The following SLC9A9 variants were observed in gnomAD, a reference collection of about 807,000 sequenced individuals.
SLC9A9 encodes solute carrier family 9 member A9.
SLC9A9 carries 62 observed loss-of-function variants against 77.8 expected under a neutral mutation model. The ratio of observed to expected loss-of-function variants is 0.80; its 90% CI spans 0.65 to 0.98. The LOEUF is 0.98. Among genes scored for constraint, SLC9A9 ranks in the 50% least tolerant of loss-of-function variants. SLC9A9 has a pLI of 0.00. For missense variants in SLC9A9, 775 were observed against 774.9 expected, an observed-to-expected ratio of 1.00 and a Z score of 0.00; for synonymous variants, 320 against 283.5, an observed-to-expected ratio of 1.13 and a Z score of -1.29.
rs528945286 is a variant in SLC9A9, at chr3:143,832,215, A to G, written c.182T>C (p.Ile61Thr). 6.2e-7 allele frequency: 1 copy of G among 1,610,636 alleles called. No homozygotes were observed. Among genetic ancestry groups the G allele is most frequent in the African/African-American group, 1.3e-5 (1 of 74,934 alleles). The change falls in exon 2 of 16, where the codon ATA becomes ACA. Residue 61 changes from isoleucine (I) to threonine (T), a missense_variant. Ile to Thr is a moderately conservative substitution (Grantham distance 89). Transcript: ENST00000316549. ...AGCATATCGTAAAATTAGTCCCATT[A>G]TAAGGCCTAAAAAAAAAAGAATAAA... ...ETGGAMVYGL[I>T]MGLILRYATA...
At chr3:143,449,985 T>TATATATACATATATATACATATATGC (rs1559921956) in intron 12 of SLC9A9, among the ~76,000 whole-genome samples, 1 of 59,406 alleles carries the variant, frequency 1.7e-5, no homozygotes, top group Non-Finnish European at 2.6e-5. Context: ...ATATTATATG[T>TATATATACATATATATACATATATGC]ATATATACAT....
intron 4 of SLC9A9, among the ~76,000 whole-genome samples, chr3:143,710,178 A>G (rs1040320094): frequency 2.6e-5 from 4 of 152,242 alleles, no homozygotes; most frequent in African/African-American, 9.6e-5. Flanking sequence ...ACACAAACAT[A>G]TACATTTATA....
intron 14 of SLC9A9, among the ~76,000 whole-genome samples, chr3:143,298,949 T>G (rs1250823464): frequency 2.6e-5 from 4 of 152,218 alleles, no homozygotes; most frequent in Non-Finnish European, 2.9e-5. Flanking sequence ...TCATTTCATC[T>G]TCCTGGGTCT....
intron 8 of SLC9A9, among the ~76,000 whole-genome samples, chr3:143,557,150 A>G (rs1245617579): frequency 6.6e-6 from 1 of 152,090 alleles, no homozygotes; most frequent in East Asian, 1.9e-4. Flanking sequence ...GTGAGTTCTC[A>G]CTAGATCGGA....
chr3:143,276,450 C>A (rs544744001), intron 14 of SLC9A9, among the ~76,000 whole-genome samples: 3 of 152,098 alleles, frequency 2.0e-5, no homozygotes, highest in Non-Finnish European at 2.9e-5. Flanking sequence ...ATTGTTCTGC[C>A]TGTTTCTATG....
chr3:143,710,996 C>T (rs1481709172), intron 4 of SLC9A9, among the ~76,000 whole-genome samples: 1 of 152,124 alleles, frequency 6.6e-6, no homozygotes, highest in Non-Finnish European at 1.5e-5. Flanking sequence ...ACATATTTAA[C>T]TCAAATTAGG....
At chr3:143,844,004 T>C (rs1206149068) in intron 1 of SLC9A9, among the ~76,000 whole-genome samples, 1 of 152,156 alleles carries the variant, frequency 6.6e-6, no homozygotes, top group Admixed American at 6.5e-5. Flanking sequence ...GAAGCAAAAA[T>C]ATGGTTATAA....
chr3:143,316,648 T>C (rs2108442092), intron 14 of SLC9A9, among the ~76,000 whole-genome samples: 1 of 152,252 alleles, frequency 6.6e-6, no homozygotes, highest in Middle Eastern at 3.4e-3. Context: ...AAATATGAAA[T>C]AATGCACCCT....
intron 14 of SLC9A9, among the ~76,000 whole-genome samples, chr3:143,293,061 T>C (rs1219435655): frequency 6.6e-6 from 1 of 152,214 alleles, no homozygotes; most frequent in African/African-American, 2.4e-5. Flanking sequence ...CTCCCATCTA[T>C]CTTTATTTTG....
intron 12 of SLC9A9, among the ~76,000 whole-genome samples, chr3:143,413,136 C>T (rs17757146): frequency 0.32 from 48,967 of 151,894 alleles, 8,051 homozygotes; most frequent in Non-Finnish European, 0.35. Context: ...TAACAGGGAC[C>T]GTGGTTCTCT....
At chr3:143,841,664 G>A (rs951669351) in intron 1 of SLC9A9, among the ~76,000 whole-genome samples, 3 of 152,182 alleles carry the variant, frequency 2.0e-5, no homozygotes, top group African/African-American at 7.2e-5. Flanking sequence ...CACCACAGTA[G>A]TTTGCAGTAA....
At chr3:143,578,318 A>G (rs544879068) in intron 7 of SLC9A9, among the ~76,000 whole-genome samples, 58 of 152,144 alleles carry the variant, frequency 3.8e-4, no homozygotes, top group Non-Finnish European at 6.9e-4. Context: ...ATATTTATTT[A>G]AGGCTGTTGA....
chr3:143,723,475 G>C (rs7642987), intron 4 of SLC9A9, among the ~76,000 whole-genome samples: 2,739 of 152,158 alleles, frequency 0.018, 72 homozygotes, highest in African/African-American at 0.061. Flanking sequence ...CCGGGGAGTG[G>C]GGACACAAGA....
chr3:143,307,895 T>C (rs1377911079), intron 14 of SLC9A9, among the ~76,000 whole-genome samples: 7 of 152,200 alleles, frequency 4.6e-5, no homozygotes, highest in African/African-American at 1.4e-4. Flanking sequence ...CCCAGTTTGC[T>C]AGGAACTTTC....
intron 2 of SLC9A9, among the ~76,000 whole-genome samples, chr3:143,807,169 C>T (rs977114570): frequency 6.6e-6 from 1 of 152,162 alleles, no homozygotes; most frequent in East Asian, 1.9e-4. Flanking sequence ...GTAGGCTGGG[C>T]ACAGTGGCTC....
At chr3:143,432,522 G>A (rs1346814332) in intron 12 of SLC9A9, among the ~76,000 whole-genome samples, 1 of 152,166 alleles carries the variant, frequency 6.6e-6, no homozygotes, top group Non-Finnish European at 1.5e-5. Context: ...CAGTTCCAGG[G>A]TTTGGAGAGC....
chr3:143,301,028 C>T (rs1006237579), intron 14 of SLC9A9, among the ~76,000 whole-genome samples: 1 of 152,198 alleles, frequency 6.6e-6, no homozygotes, highest in Non-Finnish European at 1.5e-5. Context: ...CCAGGAGAAA[C>T]AGCATTCAGC....
chr3:143,537,307 G>A (rs1464323576), intron 9 of SLC9A9, among the ~76,000 whole-genome samples: 1 of 152,248 alleles, frequency 6.6e-6, no homozygotes, highest in Non-Finnish European at 1.5e-5. Flanking sequence ...ATGCACCCAG[G>A]ATTGAGCATT....
chr3:143,473,981 T>C (rs976975727), intron 11 of SLC9A9, among the ~76,000 whole-genome samples: 1 of 152,078 alleles, frequency 6.6e-6, no homozygotes, highest in African/African-American at 2.4e-5. Context: ...AAAACCAAAG[T>C]AGGGTAAGGG....
Sources: allele counts gnomAD v4.1 joint callset (sites outside exome capture counted in the v4.1 genomes callset), GRCh38; gene constraint gnomAD v4.1.1; transcripts MANE v1.5; gene names NCBI Gene and HGNC (gene_info 2026-07-23, HGNC 2026-07-21).